CACNA1E: variants seen among roughly 807,000 people sequenced by gnomAD.
CACNA1E encodes calcium voltage-gated channel subunit alpha1 E.
A neutral mutation model predicts 259.2 loss-of-function variants in CACNA1E; 40 were observed. The ratio of observed to expected loss-of-function variants is 0.15; its 90% confidence interval spans 0.12 to 0.20. The LOEUF (loss-of-function observed/expected upper bound fraction) is 0.20. Ranked by LOEUF, CACNA1E falls within the 10% of genes least tolerant of loss-of-function variation. The pLI, the probability that CACNA1E is intolerant of heterozygous loss-of-function variation, is 1.00. For synonymous variants in CACNA1E, 1,104 were observed against 1,138.5 expected (o/e 0.97, Z 0.61); for missense variants, 1,874 against 3,040.1 (o/e 0.62, Z 9.02).
chr1:181,598,733 A>G (rs563209925), intron 6 of CACNA1E, among the ~76,000 whole-genome samples: 1 of 152,284 alleles, frequency 6.6e-6, no homozygotes, highest in South Asian at 2.1e-4. Context: ...AATTAGTCTA[A>G]TGAACTAGAG....
chr1:181,382,289 T>C (rs1180373245), intron 1 of CACNA1E, among the ~76,000 whole-genome samples: 2 of 152,114 alleles, frequency 1.3e-5, no homozygotes, highest in Admixed American at 6.5e-5. Flanking sequence ...GAGAGGAAGG[T>C]AGTGTGAGAC....
intron 2 of CACNA1E, among the ~76,000 whole-genome samples, chr1:181,449,479 T>C (rs555711717): frequency 1.1e-4 from 17 of 152,364 alleles, no homozygotes; most frequent in Non-Finnish European, 2.1e-4. Flanking sequence ...TGCACATTGA[T>C]TGACCTGACT....
At chr1:181,615,153 G>A (rs955762300) in intron 6 of CACNA1E, among the ~76,000 whole-genome samples, 3 of 152,064 alleles carry the variant, frequency 2.0e-5, no homozygotes, top group Non-Finnish European at 4.4e-5. Context: ...TCTCATTAAA[G>A]TTTTATACTA....
intron 6 of CACNA1E, among the ~76,000 whole-genome samples, chr1:181,621,065 A>G (rs368398279): frequency 6.6e-6 from 1 of 152,274 alleles, no homozygotes; most frequent in South Asian, 2.1e-4. Context: ...TCAAATATCC[A>G]TCTACTTATT....
At chr1:181,487,740 A>G (rs1663969733) in intron 1 of CACNA1E, among the ~76,000 whole-genome samples, 1 of 152,178 alleles carries the variant, frequency 6.6e-6, no homozygotes, top group Admixed American at 6.5e-5. Context: ...TGTGGGCCAT[A>G]CAGCATCTCT....
chr1:181,541,532 T>C (rs1668582772), intron 3 of CACNA1E, among the ~76,000 whole-genome samples: 1 of 152,122 alleles, frequency 6.6e-6, no homozygotes, highest in Admixed American at 6.5e-5. Flanking sequence ...TTGATGCTCA[T>C]CTCCCAGATT....
chr1:181,374,525 C>T (rs185615771), intron 1 of CACNA1E, among the ~76,000 whole-genome samples: 4 of 152,008 alleles, frequency 2.6e-5, no homozygotes, highest in East Asian at 1.9e-4. Flanking sequence ...TGCAGTGATA[C>T]GATCATGCCT....
chr1:181,775,702 A>G (rs949580591), intron 37 of CACNA1E, among the ~76,000 whole-genome samples: 7 of 152,246 alleles, frequency 4.6e-5, no homozygotes, highest in Non-Finnish European at 8.8e-5. Flanking sequence ...ATGACGTGGA[A>G]TTACATGGAA....
chr1:181,628,113 C>T (rs181205520), intron 6 of CACNA1E, among the ~76,000 whole-genome samples: 53 of 152,252 alleles, frequency 3.5e-4, no homozygotes, highest in Admixed American at 2.8e-3. Flanking sequence ...GAGTCAATGT[C>T]GATAACCTTT....
chr1:181,565,057 G>A (rs1333711835), intron 3 of CACNA1E, among the ~76,000 whole-genome samples: 1 of 152,128 alleles, frequency 6.6e-6, no homozygotes, highest in African/African-American at 2.4e-5. Context: ...TGGTCAGTGA[G>A]CATTGGTGTC....
At chr1:181,542,747 A>C (rs1668689577) in intron 3 of CACNA1E, among the ~76,000 whole-genome samples, 1 of 151,884 alleles carries the variant, frequency 6.6e-6, no homozygotes, top group South Asian at 2.1e-4. Context: ...AGTTCTTTAT[A>C]GCAGTATGAA....
At chr1:181,336,426 T>G (rs904048631) in intron 1 of CACNA1E, among the ~76,000 whole-genome samples, 6 of 152,256 alleles carry the variant, frequency 3.9e-5, no homozygotes, top group Non-Finnish European at 7.3e-5. Context: ...CTTAGAAATG[T>G]TAAGTACCTT....
At chr1:181,567,352 T>C (rs1649947215) in intron 3 of CACNA1E, among the ~76,000 whole-genome samples, 1 of 152,190 alleles carries the variant, frequency 6.6e-6, no homozygotes, top group Admixed American at 6.5e-5. Context: ...TTATCTGTTA[T>C]ATATTGTCTG....
At chr1:181,783,466 A>G (rs1660594813) in intron 39 of CACNA1E, among the ~76,000 whole-genome samples, 2 of 151,872 alleles carry the variant, frequency 1.3e-5, no homozygotes, top group Admixed American at 1.3e-4. Flanking sequence ...GGTGGAGAAA[A>G]AACAAACAAA....
At chr1:181,722,976 G>C (rs1654548493) in intron 16 of CACNA1E, among the ~76,000 whole-genome samples, 1 of 152,158 alleles carries the variant, frequency 6.6e-6, no homozygotes. Flanking sequence ...AGTCAGAGCT[G>C]GGCTTTGATG....
At chr1:181,787,603 C>G (rs776476961) in intron 43 of CACNA1E, among the ~76,000 whole-genome samples, 7 of 152,132 alleles carry the variant, frequency 4.6e-5, no homozygotes, top group Non-Finnish European at 4.4e-5. Flanking sequence ...GACTTAGGCA[C>G]TGGGGCTATG....
At chr1:181,770,564 G>A (rs985584517) in intron 35 of CACNA1E, among the ~76,000 whole-genome samples, 1 of 152,192 alleles carries the variant, frequency 6.6e-6, no homozygotes, top group Non-Finnish European at 1.5e-5. Context: ...GTGCCCAGTT[G>A]GCCCGACTTT....
chr1:181,802,024 C>A lies in CACNA1E; in HGVS notation c.*3190C>A, dbSNP rs531327589. Reference sequence around the variant, plus strand: ...ACTCCAGGTAGGGAATGCATGCTGTCTCTTTCTCTGTGTCTGTCTCCCCAT... The same window carrying A: ...ACTCCAGGTAGGGAATGCATGCTGTATCTTTCTCTGTGTCTGTCTCCCCAT... On this transcript the variant is annotated 3_prime_UTR_variant, in exon 48 of 48. Coordinates refer to ENST00000367573, the MANE Select transcript of CACNA1E (RefSeq NM_001205293.3). 6.6e-6 allele frequency: 1 copy of A among 152,340 alleles called. No individual in the cohort carries two copies. The highest frequency in any genetic ancestry group is 2.4e-5 in the African/African-American group (1 of 41,574). The allele number at this position is 152,340 out of a possible 1,614,324, so 9.4% of individuals were successfully genotyped here. A position where few individuals can be genotyped will look rare whatever the true frequency, so the allele number is the denominator to read the frequency against.
intron 1 of CACNA1E, among the ~76,000 whole-genome samples, chr1:181,508,539 G>A (rs186438891): frequency 2.4e-4 from 37 of 152,298 alleles, no homozygotes; most frequent in Non-Finnish European, 4.6e-4. Context: ...AACCTAGGCT[G>A]TTCAGAAGGC....
Sources: allele counts gnomAD v4.1 joint callset (sites outside exome capture counted in the v4.1 genomes callset), GRCh38; gene constraint gnomAD v4.1.1; transcripts MANE v1.5; gene names NCBI Gene and HGNC (gene_info 2026-07-23, HGNC 2026-07-21).